The following MORC1 variants were observed in gnomAD, a reference collection of about 807,000 sequenced individuals.
MORC1 encodes the protein MORC family CW-type zinc finger 1, also known as MORC family CW-type zinc finger protein 1.
Under a neutral mutation model 134.9 loss-of-function variants are expected in MORC1, and 59 were observed. The ratio of observed to expected loss-of-function variants is 0.44; its 90% CI spans 0.35 to 0.54. The LOEUF (loss-of-function observed/expected upper bound fraction) is 0.54. Ranked by LOEUF, MORC1 falls within the 20% of genes least tolerant of loss-of-function variation. The pLI, the probability that MORC1 is intolerant of heterozygous loss-of-function variation, is 0.00. For synonymous variants in MORC1, 395 were observed against 391.7 expected, an observed-to-expected ratio of 1.01 and a Z score of -0.10; for missense variants, 947 against 1,134.5, an observed-to-expected ratio of 0.83 and a Z score of 2.37.
intron 24 of MORC1, among the ~76,000 whole-genome samples, chr3:108,974,127 A>C (rs1947482845): frequency 6.6e-6 from 1 of 150,854 alleles, no homozygotes; most frequent in African/African-American, 2.4e-5. Flanking sequence ...TGAGCCTTTC[A>C]CTCTCTTCCA....
At chr3:109,112,544 G>A (rs1951189378) in intron 2 of MORC1, among the ~76,000 whole-genome samples, 1 of 152,192 alleles carries the variant, frequency 6.6e-6, no homozygotes, top group Non-Finnish European at 1.5e-5. Flanking sequence ...AGGGACTGAA[G>A]GGTTGAGGCT....
intron 17 of MORC1, among the ~76,000 whole-genome samples, chr3:109,013,938 G>GA (rs1948757273): frequency 6.6e-6 from 1 of 152,106 alleles, no homozygotes; most frequent in Non-Finnish European, 1.5e-5. Flanking sequence ...GGATTACACA[G>GA]CAAGAAGGCC....
At chr3:108,997,636 G>A (rs73202717) in intron 21 of MORC1, among the ~76,000 whole-genome samples, 305 of 152,264 alleles carry the variant, frequency 2.0e-3, no homozygotes, top group Admixed American at 4.8e-3. Context: ...GGGAAGTTAG[G>A]AAAATAAATA....
chr3:109,110,865 CA>C, intron 2 of MORC1, 82 bp from the exon 3 acceptor site: 1 of 1,070,686 alleles, frequency 9.3e-7, no homozygotes, highest in Non-Finnish European at 1.3e-6. Context: ...AGATATCAAA[CA>C]ATACAAAAAT....
intron 15 of MORC1, among the ~76,000 whole-genome samples, chr3:109,034,419 A>G (rs1949322615): frequency 6.6e-6 from 1 of 152,244 alleles, no homozygotes; most frequent in South Asian, 2.1e-4. Flanking sequence ...GCTAGAAAAC[A>G]TATCAGTAAG....
chr3:108,974,492 A>T (rs1947493334), intron 24 of MORC1, among the ~76,000 whole-genome samples: 1 of 152,174 alleles, frequency 6.6e-6, no homozygotes, highest in Non-Finnish European at 1.5e-5. Context: ...TTTCCCCTAG[A>T]ACAGACACAG....
chr3:109,016,173 A>T (rs1456714173), intron 17 of MORC1, among the ~76,000 whole-genome samples: 2 of 152,192 alleles, frequency 1.3e-5, no homozygotes, highest in Non-Finnish European at 2.9e-5. Flanking sequence ...AAAAAATTTT[A>T]AATTTTGGAT....
At chr3:109,023,901 ATG>A (rs1949016527) in intron 17 of MORC1, among the ~76,000 whole-genome samples, 1 of 152,348 alleles carries the variant, frequency 6.6e-6, no homozygotes, top group African/African-American at 2.4e-5. Context: ...ACAGCAGGTA[ATG>A]TGGAATGAAG....
chr3:108,984,766 G>C lies in MORC1; in HGVS notation c.2274C>G (p.Cys758Trp), dbSNP rs2107463300. 6.2e-7 allele frequency: 1 copy of C among 1,608,416 alleles called. No individual in the cohort carries two copies. Among genetic ancestry groups the C allele is most frequent in the South Asian group, 1.1e-5 (1 of 90,270 alleles). Residue 758 changes from cysteine (C) to tryptophan (W), a missense_variant, in exon 23 of 28, where the codon TGC becomes TGG. Transcript: ENST00000232603. ...TTCTTTTCATTGCTAGAACATCATT[G>C]CACAGCTCCTGTTTTTCTTCAAAAG... Reference protein sequence around the residue: ...PLLNQEKQELCNDVLAMKRSS... With the variant: ...PLLNQEKQELWNDVLAMKRSS...
At chr3:109,095,825 G>T (rs6788795) in intron 6 of MORC1, among the ~76,000 whole-genome samples, 375 of 151,962 alleles carry the variant, frequency 2.5e-3, no homozygotes, top group African/African-American at 8.6e-3. Context: ...TTACATTAAG[G>T]ATTCCCCAAT....
At position 108,981,152 on chromosome 3, in the gene MORC1, AGG is replaced by A. The variant is rs553285788; in HGVS notation, c.2325-1487_2325-1486del. ...TACGACATGGGAAATGGAGCTGGGG[AGG>A]GCAGGTAGAGGTCAGATCATGAAGG... On this transcript the variant is annotated intron_variant, in intron 23 of 27. Coordinates refer to ENST00000232603, the MANE Select transcript of MORC1 (RefSeq NM_014429.4). Among the ~76,000 whole-genome samples the A allele has an allele frequency of 1.8e-3, 281 of 152,258 alleles. 2 individuals are homozygous for A. The highest frequency in any genetic ancestry group is 6.0e-3 in the African/African-American group (249 of 41,566).
At chr3:109,053,490 T>C (rs1477302982) in intron 14 of MORC1, among the ~76,000 whole-genome samples, 5 of 151,724 alleles carry the variant, frequency 3.3e-5, no homozygotes, top group Non-Finnish European at 5.9e-5. Flanking sequence ...TGGATGCAGC[T>C]AGAGGCCGTT....
At chr3:109,003,382 T>C (rs1263114275) in intron 20 of MORC1, among the ~76,000 whole-genome samples, 4 of 121,868 alleles carry the variant, frequency 3.3e-5, no homozygotes, top group Non-Finnish European at 5.0e-5. Flanking sequence ...TTACATATTA[T>C]ATGTGTATGC....
At chr3:109,048,203 G>A (rs1436466408) in intron 14 of MORC1, among the ~76,000 whole-genome samples, 2 of 152,104 alleles carry the variant, frequency 1.3e-5, no homozygotes, top group African/African-American at 4.8e-5. Flanking sequence ...GAGAGTGTGA[G>A]ACAGCGATAG....
At chr3:109,053,189 C>T (rs544135133) in intron 14 of MORC1, among the ~76,000 whole-genome samples, 2 of 151,850 alleles carry the variant, frequency 1.3e-5, no homozygotes, top group Middle Eastern at 3.5e-3. Context: ...AAATTTGTCT[C>T]GCCACTATGG....
At chr3:109,055,310 C>T (rs1254778088) in intron 13 of MORC1, among the ~76,000 whole-genome samples, 2 of 152,130 alleles carry the variant, frequency 1.3e-5, no homozygotes, top group Non-Finnish European at 1.5e-5. Context: ...TTGCAGAGGT[C>T]CTTGGGGTGC....
At chr3:108,978,464 G>A (rs141289116) in intron 24 of MORC1, among the ~76,000 whole-genome samples, 15 of 152,252 alleles carry the variant, frequency 9.9e-5, no homozygotes, top group Non-Finnish European at 1.8e-4. Context: ...GAGACAGCAG[G>A]TGGGGTCTTC....
chr3:108,984,306 T>G (rs796224323), intron 23 of MORC1, among the ~76,000 whole-genome samples: 6 of 152,260 alleles, frequency 3.9e-5, no homozygotes, highest in African/African-American at 1.2e-4. Context: ...AAAATTCTCA[T>G]GTCAAAAAAA....
intron 20 of MORC1, among the ~76,000 whole-genome samples, chr3:109,001,717 G>C (rs1453176723): frequency 6.6e-6 from 1 of 152,140 alleles, no homozygotes; most frequent in Non-Finnish European, 1.5e-5. Flanking sequence ...TCAAGCTTCT[G>C]TCTAGTCCTT....
Sources: gnomAD v4.1 joint callset for allele counts (sites outside exome capture counted in the v4.1 genomes callset) on GRCh38, gnomAD v4.1.1 for gene constraint, MANE v1.5 for transcripts, NCBI Gene and HGNC (gene_info 2026-07-23, HGNC 2026-07-21) for gene names.